ATP8A2: variants seen among roughly 807,000 people sequenced by gnomAD.
The protein encoded by ATP8A2 is ATPase phospholipid transporting 8A2, also known as phospholipid-transporting ATPase IB.
In ATP8A2, 100 loss-of-function variants were observed where a neutral mutation model predicts 165.6. The observed-to-expected ratio is 0.60, with a 90% CI of 0.51 to 0.71. The LOEUF (loss-of-function observed/expected upper bound fraction) is 0.71, where lower values mean the gene tolerates loss of function less well. Among genes scored for constraint, ATP8A2 ranks in the 30% least tolerant of loss-of-function variants. ATP8A2 has a pLI of 0.00. For missense variants in ATP8A2, 1,227 were observed against 1,479.5 expected (o/e 0.83, Z 2.80); for synonymous variants, 543 against 548.8 (o/e 0.99, Z 0.15).
At position 25,426,085 on chromosome 13, in the gene ATP8A2, G is replaced by A. The variant is rs188360603; in HGVS notation, c.77-42892G>A. Among the ~76,000 whole-genome samples the A allele has an allele frequency of 4.6e-5, 7 of 152,294 alleles. No homozygotes were observed. In the East Asian group the frequency reaches 1.2e-3, roughly 25 times the overall value. ...CAGTGGTTGCCAGGGGTTGGGGGAG[G>A]GAGAGATGAATGAGTGGAGCATTGT... On this transcript the variant is annotated intron_variant, in intron 1 of 36. Transcript: ENST00000381655.
chr13:25,537,419 GTAAAACAGAGAAAAATTTA>G (rs897684694), intron 6 of ATP8A2, among the ~76,000 whole-genome samples: 1 of 152,114 alleles, frequency 6.6e-6, no homozygotes, highest in African/African-American at 2.4e-5. Flanking sequence ...ACCTCAATTT[GTAAAACAGAGAAAAATTTA>G]TAAAACAGAG....
At chr13:25,532,150 C>G (rs1162538669) in intron 4 of ATP8A2, 122 bp from the exon 5 acceptor site, 6 of 755,890 alleles carry the variant, frequency 7.9e-6, no homozygotes, top group Non-Finnish European at 1.3e-5. Flanking sequence ...AATTTTACAG[C>G]ATGAGCATTA....
At position 25,531,307 on chromosome 13, in the gene ATP8A2, GATATATATGTTATATATGAT is replaced by G. The variant is rs1566229565; in HGVS notation, c.420+674_420+693del. 2.0e-3 allele frequency among the ~76,000 whole-genome samples: 225 copies of G among 110,800 alleles called. 1 individual carries two copies. Among genetic ancestry groups the G allele is most frequent in the East Asian group, 9.4e-3 (39 of 4,136 alleles). The allele number at this position is 110,800 out of a possible 152,430, so 72.7% of individuals were successfully genotyped here. A position where few individuals can be genotyped will look rare whatever the true frequency, so the allele number is the denominator to read the frequency against. ...TATATATGATATATATGTTATATATGATATATATGTTATATATGATATATATATGTTATATATGATATATA... is the reference window on the plus strand; with the variant it reads ...TATATATGATATATATGTTATATATGATATATATGTTATATATGATATATA... On this transcript the variant is annotated intron_variant, in intron 4 of 36. Transcript: ENST00000381655.
rs116416404 is a variant in ATP8A2 at position 25,899,436 on chromosome 13, G to A, written c.3183+37028G>A. The stretch of plus-strand genomic sequence containing the variant: ...TAGAGTTTTGCCAGATAATGCATAC[G>A]GGTGTCTGGTATACTCTCCTGAAAA... On this transcript the variant is annotated intron_variant, in intron 33 of 36. Coordinates refer to ENST00000381655, the MANE Select transcript of ATP8A2 (RefSeq NM_016529.6). Among the ~76,000 whole-genome samples the A allele has an allele frequency of 9.6e-3, 1,459 of 152,236 alleles. 21 individuals are homozygous for A. Among genetic ancestry groups the A allele is most frequent in the African/African-American group, 0.033 (1,387 of 41,532 alleles).
At chr13:25,812,439 A>T (rs1950901178) in intron 27 of ATP8A2, among the ~76,000 whole-genome samples, 1 of 962 alleles carries the variant, frequency 1.0e-3, no homozygotes, top group Non-Finnish European at 3.2e-3. Context: ...CCTCACTCAC[A>T]TTCCTGAAGT....
intron 13 of ATP8A2, among the ~76,000 whole-genome samples, chr13:25,556,927 A>T (rs994466927): frequency 1.3e-5 from 2 of 152,166 alleles, no homozygotes; most frequent in African/African-American, 4.8e-5. Flanking sequence ...AATGCAGGCG[A>T]CATGGCTCAT....
intron 1 of ATP8A2, among the ~76,000 whole-genome samples, chr13:25,405,752 G>A (rs904017137): frequency 5.3e-5 from 8 of 152,320 alleles, no homozygotes; most frequent in African/African-American, 1.9e-4. Context: ...TTAAGATATA[G>A]CATTATATAC....
chr13:26,024,698 G>GC lies in ATP8A2; in HGVS notation c.*4715dup, dbSNP rs1468967591. 1 of 152,188 alleles carries GC rather than the reference G, an allele frequency of 6.6e-6. No homozygotes were observed. Among genetic ancestry groups the GC allele is most frequent in the Non-Finnish European group, 1.5e-5 (1 of 68,030 alleles). 9.4% of individuals were successfully genotyped at this position (152,188 alleles called of 1,614,324 possible). On this transcript the variant is annotated 3_prime_UTR_variant, in exon 37 of 37. Transcript: ENST00000381655. ...CAAGTGACAATCTCGGGCTCTAGTT[G>GC]CCTTTGAGATATCCACTCTGCTCTT...
At chr13:26,015,863 A>T (rs1037001305) in intron 36 of ATP8A2, among the ~76,000 whole-genome samples, 6 of 152,220 alleles carry the variant, frequency 3.9e-5, no homozygotes, top group Non-Finnish European at 8.8e-5. Context: ...TAGGGAGTGC[A>T]AAGAGCTGGA....
At chr13:25,738,334 CCCCCCT>C (rs1350089417) in intron 25 of ATP8A2, among the ~76,000 whole-genome samples, 28 of 24,388 alleles carry the variant, frequency 1.1e-3, no homozygotes, top group Non-Finnish European at 1.3e-3. Context: ...TCTTTTTGTG[CCCCCCT>C]CCCCCCCCCC....
intron 35 of ATP8A2, 105 bp from the exon 36 acceptor site, chr13:26,012,426 C>A: frequency 2.3e-6 from 2 of 866,750 alleles, no homozygotes; most frequent in South Asian, 1.7e-5. Context: ...CCTTACCCGA[C>A]GTGGGGAGGT....
intron 24 of ATP8A2, among the ~76,000 whole-genome samples, chr13:25,657,068 A>G (rs867793150): frequency 0.033 from 5,002 of 149,982 alleles, 140 homozygotes; most frequent in Middle Eastern, 0.066. Context: ...AAAAAAAAAA[A>G]AAAAAAAAAA....
At chr13:25,916,757 A>C (rs1593554103) in intron 33 of ATP8A2, among the ~76,000 whole-genome samples, 1 of 152,310 alleles carries the variant, frequency 6.6e-6, no homozygotes, top group Middle Eastern at 3.4e-3. Flanking sequence ...GTTTTGCTGC[A>C]CAAGCTCTGG....
chr13:25,741,606 T>C (rs1028308548), intron 25 of ATP8A2, among the ~76,000 whole-genome samples: 6 of 152,024 alleles, frequency 3.9e-5, no homozygotes, highest in Admixed American at 3.9e-4. Context: ...CAGGCTGATC[T>C]GGACAAGCAA....
chr13:25,579,797 C>T lies in ATP8A2; in HGVS notation c.1868-11C>T, dbSNP rs1376538546. ...TCTGCCTGCCTCCATTCACCAGTGG[C>T]TGTCTTGCAGGCTTGCGGACTCTCT... On this transcript the variant is annotated splice_polypyrimidine_tract_variant and intron_variant, in intron 21 of 36. Coordinates refer to ENST00000381655, the MANE Select transcript of ATP8A2 (RefSeq NM_016529.6). The T allele has an allele frequency of 6.2e-7, 1 of 1,612,106 alleles. No individual in the cohort carries two copies. The highest frequency in any genetic ancestry group is 1.1e-5 in the South Asian group (1 of 90,968).
At chr13:25,840,414 A>T (rs1056861756) in intron 30 of ATP8A2, among the ~76,000 whole-genome samples, 1 of 152,224 alleles carries the variant, frequency 6.6e-6, no homozygotes, top group African/African-American at 2.4e-5. Flanking sequence ...AGTGAGTTTT[A>T]TGCTTCAAAC....
chr13:25,911,495 CAG>C (rs554563736), intron 33 of ATP8A2, among the ~76,000 whole-genome samples: 176 of 152,202 alleles, frequency 1.2e-3, no homozygotes, highest in African/African-American at 4.0e-3. Flanking sequence ...TTGAGCTTAA[CAG>C]GGGGAAAATG....
chr13:25,830,888 G>A (rs542078281), intron 28 of ATP8A2, among the ~76,000 whole-genome samples: 34 of 152,244 alleles, frequency 2.2e-4, no homozygotes, highest in Middle Eastern at 3.4e-3. Flanking sequence ...TTATACAACC[G>A]AAGTATAATG....
chr13:25,834,983 C>CGTGTGTGT (rs61614959), intron 28 of ATP8A2, among the ~76,000 whole-genome samples: 1 of 149,642 alleles, frequency 6.7e-6, no homozygotes. Context: ...TGATCCCTAA[C>CGTGTGTGT]GTGTGTGTGT....
Sources: allele counts gnomAD v4.1 joint callset (sites outside exome capture counted in the v4.1 genomes callset), GRCh38; gene constraint gnomAD v4.1.1; transcripts MANE v1.5; gene names NCBI Gene and HGNC (gene_info 2026-07-23, HGNC 2026-07-21).